RPRD2: variants seen among roughly 807,000 people sequenced by gnomAD.
RPRD2 encodes the protein regulation of nuclear pre-mRNA domain containing 2.
RPRD2 carries 12 observed loss-of-function variants against 104.4 expected under a neutral mutation model. That is an observed-to-expected ratio of 0.11 (90% CI 0.07 to 0.19). RPRD2 has a LOEUF of 0.19. RPRD2 is among the 10% of genes least tolerant of loss of function. The pLI is 1.00. For synonymous variants in RPRD2, 714 were observed against 684.9 expected (o/e 1.04, Z -0.66); for missense variants, 1,543 against 1,790.1 (o/e 0.86, Z 2.49).
At chr1:150,445,240 A>G (rs1480368162) in intron 6 of RPRD2, among the ~76,000 whole-genome samples, 2 of 152,210 alleles carry the variant, frequency 1.3e-5, no homozygotes, top group African/African-American at 4.8e-5. Flanking sequence ...TCCTCATAAC[A>G]GAAAACATAC....
At chr1:150,391,562 G>A (rs1212942107) in intron 1 of RPRD2, among the ~76,000 whole-genome samples, 6 of 152,158 alleles carry the variant, frequency 3.9e-5, no homozygotes, top group Non-Finnish European at 5.9e-5. Flanking sequence ...AACCATAAGA[G>A]TAAATCTGAA....
At chr1:150,372,547 GAGAC>G (rs1157399664) in intron 1 of RPRD2, among the ~76,000 whole-genome samples, 1 of 150,128 alleles carries the variant, frequency 6.7e-6, no homozygotes, top group African/African-American at 2.5e-5. Flanking sequence ...CTAGTAAGGG[GAGAC>G]AGACAGCAAA....
At chr1:150,405,563 A>G (rs188765130) in intron 1 of RPRD2, among the ~76,000 whole-genome samples, 15 of 152,216 alleles carry the variant, frequency 9.9e-5, no homozygotes, top group Admixed American at 8.5e-4. Context: ...GGGAGAGTCA[A>G]ACTTCCTGGT....
At chr1:150,448,428 C>CA in intron 7 of RPRD2, among the ~76,000 whole-genome samples, 1 of 152,244 alleles carries the variant, frequency 6.6e-6, no homozygotes, top group East Asian at 1.9e-4. Flanking sequence ...CTCAGCCTCT[C>CA]AAAGTGATGG....
chr1:150,416,285 T>C (rs1370885351), intron 1 of RPRD2, among the ~76,000 whole-genome samples: 2 of 151,956 alleles, frequency 1.3e-5, no homozygotes, highest in Admixed American at 6.6e-5. Flanking sequence ...AAGAATTGAG[T>C]ACTGAGAAGA....
chr1:150,458,226 G>A (rs1369981864), intron 8 of RPRD2, among the ~76,000 whole-genome samples: 10 of 152,088 alleles, frequency 6.6e-5, no homozygotes, highest in African/African-American at 1.9e-4. Context: ...AGGCTGAGGC[G>A]GGCAGATTGC....
intron 1 of RPRD2, among the ~76,000 whole-genome samples, chr1:150,389,015 A>G (rs1661857026): frequency 6.6e-6 from 1 of 151,464 alleles, no homozygotes; most frequent in African/African-American, 2.4e-5. Flanking sequence ...GCTCCTCTAG[A>G]TTTTGACAGT....
In RPRD2 at chr1:150,421,058, A is replaced by G. The variant is rs587690077; in HGVS notation, c.335+3333A>G. On this transcript the variant is annotated intron_variant, in intron 2 of 10. Transcript: ENST00000369068. ...AGTACAGAAACAAATGGGTATGGCT[A>G]TCTTCCAATAAGAATAGGCAGCAGG... Among the ~76,000 whole-genome samples, 5 of 152,330 alleles carry G rather than the reference A, an allele frequency of 3.3e-5. No individual in the cohort carries two copies. The East Asian group carries it at 5.8e-4, about 18-fold the overall frequency.
chr1:150,406,078 C>A (rs1385930763), intron 1 of RPRD2, among the ~76,000 whole-genome samples: 5 of 152,128 alleles, frequency 3.3e-5, no homozygotes, highest in African/African-American at 1.2e-4. Context: ...AATGAATCTC[C>A]TATCTGTGAA....
At position 150,474,406 on chromosome 1, in the gene RPRD2, G is replaced by C. The variant is rs1048889333; in HGVS notation, c.*1072G>C. On this transcript the variant is annotated 3_prime_UTR_variant, in exon 11 of 11. Coordinates refer to ENST00000369068, the MANE Select transcript of RPRD2 (RefSeq NM_015203.5). ...AGTCGTGTTATTCACCCCTATTCTT[G>C]ATATTTTAAAGGAGGAGATTCAGTA... is the stretch of plus-strand genomic sequence containing the variant. The C allele has an allele frequency of 4.6e-5, 7 of 151,982 alleles. No individual in the cohort carries two copies. The highest frequency in any genetic ancestry group is 1.7e-4 in the African/African-American group (7 of 41,362). The allele number at this position is 151,982 out of a possible 1,614,324, so 9.4% of individuals were successfully genotyped here. A position where few individuals can be genotyped will look rare whatever the true frequency, so the allele number is the denominator to read the frequency against.
At position 150,474,588 on chromosome 1, in the gene RPRD2, GT is replaced by G. The variant is rs989719580; in HGVS notation, c.*1257del. 3.3e-5 allele frequency: 5 copies of G among 152,232 alleles called. No homozygotes were observed. The highest frequency in any genetic ancestry group is 1.9e-4 in the East Asian group (1 of 5,186). 9.4% of individuals were successfully genotyped at this position (152,232 alleles called of 1,614,324 possible). ...TCCTTCTCCCTGGACTGAAAGACTTGTTTGTATTTCTACATCTAGTACTTGG... is the reference window on the plus strand; with the variant it reads ...TCCTTCTCCCTGGACTGAAAGACTTGTTGTATTTCTACATCTAGTACTTGG... On this transcript the variant is annotated 3_prime_UTR_variant, in exon 11 of 11. Coordinates refer to ENST00000369068, the MANE Select transcript of RPRD2 (RefSeq NM_015203.5).
At chr1:150,446,067 CAA>C (rs5777728) in intron 6 of RPRD2, among the ~76,000 whole-genome samples, 157 bp from the exon 7 acceptor site, 18 of 93,344 alleles carry the variant, frequency 1.9e-4, no homozygotes, top group Admixed American at 2.4e-4. Flanking sequence ...GACTCCGTCT[CAA>C]AAAAAAAAAA....
intron 1 of RPRD2, among the ~76,000 whole-genome samples, chr1:150,378,387 A>T (rs1553880044): frequency 6.6e-6 from 1 of 152,228 alleles, no homozygotes; most frequent in Non-Finnish European, 1.5e-5. Context: ...TGAACAATAG[A>T]GCCAGGTTGC....
chr1:150,464,473 G>A (rs1313271451), intron 9 of RPRD2, 54 bp from the exon 10 acceptor site: 16 of 1,423,432 alleles, frequency 1.1e-5, no homozygotes, highest in Non-Finnish European at 1.5e-5. Flanking sequence ...GGAAGTATCG[G>A]AAATTGAAGT....
At position 150,364,936 on chromosome 1, in the gene RPRD2, A is replaced by T; in HGVS notation, c.205+17A>T. 3 of 1,611,710 alleles carry T rather than the reference A, an allele frequency of 1.9e-6. No homozygotes were observed. The African/African-American group carries it at 4.0e-5, about 21-fold the overall frequency. On this transcript the variant is annotated intron_variant, in intron 1 of 10. Transcript: ENST00000369068. Reference sequence around the variant, plus strand: ...TCCGGAGATGTGAGTGTTGGGGGTGACTAGGGAAGGGAAGACTGGGGAAAT... The same window carrying T: ...TCCGGAGATGTGAGTGTTGGGGGTGTCTAGGGAAGGGAAGACTGGGGAAAT...
At chr1:150,371,134 C>T (rs886726922) in intron 1 of RPRD2, among the ~76,000 whole-genome samples, 8 of 152,122 alleles carry the variant, frequency 5.3e-5, no homozygotes, top group East Asian at 3.8e-4. Flanking sequence ...TTACAAAGTA[C>T]GGTTAATGTA....
chr1:150,435,490 T>C (rs1665931113), intron 2 of RPRD2, among the ~76,000 whole-genome samples: 2 of 152,378 alleles, frequency 1.3e-5, no homozygotes, highest in South Asian at 4.1e-4. Flanking sequence ...TTAAAAATGC[T>C]ACTGTAGTGA....
At position 150,471,152 on chromosome 1, in the gene RPRD2, A is replaced by T. The variant is rs587744739; in HGVS notation, c.2204A>T (p.Gln735Leu). 1.2e-6 allele frequency: 2 copies of T among 1,613,972 alleles called. No homozygotes were observed. Among genetic ancestry groups the T allele is most frequent in the South Asian group, 2.2e-5 (2 of 91,072 alleles). Residue 735 changes from glutamine (Q) to leucine (L), a missense_variant, in exon 11 of 11, where the codon CAG (glutamine) becomes CTG (leucine). Physicochemically the swap from Gln to Leu is moderately radical, Grantham distance 113. This residue lies in a region of RPRD2 where 572 missense variants were observed against 787.3 expected (regional missense o/e 0.73). Coordinates refer to ENST00000369068, the MANE Select transcript of RPRD2 (RefSeq NM_015203.5). The surrounding 1 kb of genome is among the most constrained non-coding windows in gnomAD (Gnocchi z 5.3). ...GATGAACGGAGTGGGACACCCACCC[A>T]GGATGAGATGATGGACAAGCCCACA... is the stretch of plus-strand genomic sequence containing the variant. ...VRDERSGTPTQDEMMDKPTSS... is the reference protein window; with the variant it reads ...VRDERSGTPTLDEMMDKPTSS...
At chr1:150,419,448 C>G (rs1348019371) in intron 2 of RPRD2, among the ~76,000 whole-genome samples, 1 of 152,054 alleles carries the variant, frequency 6.6e-6, no homozygotes, top group Non-Finnish European at 1.5e-5. Flanking sequence ...AAATGTCTAC[C>G]TTGCTATTAG....
Sources: gnomAD v4.1 joint callset for allele counts (sites outside exome capture counted in the v4.1 genomes callset) on GRCh38, gnomAD v4.1.1 for gene constraint, gnomAD v4.1.1 regional missense constraint, Gnocchi (gnomAD v3.1) non-coding constraint, MANE v1.5 for transcripts, NCBI Gene and HGNC (gene_info 2026-07-23, HGNC 2026-07-21) for gene names.